The following NRXN1 variants were observed in gnomAD, a reference collection of about 807,000 sequenced individuals.
NRXN1 encodes the protein neurexin 1, also known as neurexin-1.
Under a neutral mutation model 150.9 loss-of-function variants are expected in NRXN1, and 39 were observed. The ratio of observed to expected loss-of-function variants is 0.26; its 90% confidence interval spans 0.20 to 0.34. NRXN1 has a LOEUF of 0.34. Ranked by LOEUF, NRXN1 falls within the 10% of genes least tolerant of loss-of-function variation. The probability of loss-of-function intolerance (pLI) is 1.00; values close to 1 mark genes in which losing one functional copy is unlikely to be tolerated. For synonymous variants in NRXN1, 924 were observed against 757.0 expected (o/e 1.22, Z -3.62); for missense variants, 1,815 against 1,949.9 (o/e 0.93, Z 1.30).
chr2:50,042,913 C>G (rs938282497), intron 21 of NRXN1, among the ~76,000 whole-genome samples: 2 of 152,024 alleles, frequency 1.3e-5, no homozygotes, highest in African/African-American at 4.8e-5. Context: ...GCCATTAACA[C>G]TAACAAAGCT....
chr2:50,132,687 A>C (rs938922980), intron 18 of NRXN1, among the ~76,000 whole-genome samples: 1 of 151,974 alleles, frequency 6.6e-6, no homozygotes, highest in South Asian at 2.1e-4. Flanking sequence ...GTATTGCTTC[A>C]GTTCTCAGTT....
intron 17 of NRXN1, among the ~76,000 whole-genome samples, chr2:50,321,182 T>G (rs1256213141): frequency 1.3e-5 from 2 of 152,168 alleles, no homozygotes; most frequent in Non-Finnish European, 2.9e-5. Context: ...TTCAGAGAGA[T>G]AGCACAGTAT....
chr2:49,946,545 GA>G lies in NRXN1; in HGVS notation c.4129-2755del, dbSNP rs544961302. On this transcript the variant is annotated intron_variant, in intron 21 of 22. Transcript: ENST00000401669. ...TACGTTTAAGTCTTTAATCCATCTTGAGTTAATTTTTGTATAAGGTGTAAGG... is the reference window on the plus strand; with the variant it reads ...TACGTTTAAGTCTTTAATCCATCTTGGTTAATTTTTGTATAAGGTGTAAGG... Among the ~76,000 whole-genome samples, 564 of 152,138 alleles carry G rather than the reference GA, an allele frequency of 3.7e-3. 5 individuals are homozygous for G. The highest frequency in any genetic ancestry group is 0.013 in the African/African-American group (527 of 41,516).
At chr2:50,420,353 G>T (rs548546047) in intron 17 of NRXN1, among the ~76,000 whole-genome samples, 5 of 151,216 alleles carry the variant, frequency 3.3e-5, no homozygotes, top group African/African-American at 1.2e-4. Flanking sequence ...GACTACCCCT[G>T]GTTTTGCAAA....
chr2:50,158,391 T>C (rs1389402302), intron 18 of NRXN1, among the ~76,000 whole-genome samples: 1 of 151,536 alleles, frequency 6.6e-6, no homozygotes, highest in Non-Finnish European at 1.5e-5. Flanking sequence ...TCATAGACAG[T>C]ACATTTTCTT....
intron 16 of NRXN1, among the ~76,000 whole-genome samples, chr2:50,467,966 TGGCATTA>T (rs2089079763): frequency 6.6e-6 from 1 of 151,584 alleles, no homozygotes; most frequent in African/African-American, 2.4e-5. Flanking sequence ...CCTTATCCCA[TGGCATTA>T]GAGATCAAAA....
At chr2:50,717,722 G>A (rs900621465) in intron 5 of NRXN1, among the ~76,000 whole-genome samples, 1 of 152,132 alleles carries the variant, frequency 6.6e-6, no homozygotes, top group African/African-American at 2.4e-5. Flanking sequence ...CCAAGGTCAA[G>A]GTGCCAGCAG....
At chr2:50,233,472 A>G (rs114029540) in intron 18 of NRXN1, among the ~76,000 whole-genome samples, 2,054 of 152,186 alleles carry the variant, frequency 0.013, 52 homozygotes, top group African/African-American at 0.047. Flanking sequence ...CTTCATTAAA[A>G]TTATATGCCA....
intron 19 of NRXN1, among the ~76,000 whole-genome samples, chr2:50,058,494 A>G (rs1693982052): frequency 6.6e-6 from 1 of 152,200 alleles, no homozygotes. Flanking sequence ...ATTCAATTCA[A>G]TATATACCTA....
intron 18 of NRXN1, among the ~76,000 whole-genome samples, chr2:50,170,189 C>T (rs897836364): frequency 8.6e-5 from 13 of 151,862 alleles, no homozygotes; most frequent in African/African-American, 2.9e-4. Flanking sequence ...ACTGGTTGAG[C>T]ACCCTAAATC....
At chr2:49,962,016 G>C (rs984054908) in intron 21 of NRXN1, among the ~76,000 whole-genome samples, 5 of 152,122 alleles carry the variant, frequency 3.3e-5, no homozygotes, top group African/African-American at 4.8e-5. Context: ...GCCGAGGCAG[G>C]AGGGTCACTT....
intron 17 of NRXN1, among the ~76,000 whole-genome samples, chr2:50,271,675 A>C (rs1422798273): frequency 6.6e-6 from 1 of 152,196 alleles, no homozygotes; most frequent in African/African-American, 2.4e-5. Context: ...AATTTTAACA[A>C]CTGAGAAACC....
At chr2:49,968,558 T>C (rs971616567) in intron 21 of NRXN1, among the ~76,000 whole-genome samples, 4 of 152,004 alleles carry the variant, frequency 2.6e-5, no homozygotes, top group Non-Finnish European at 5.9e-5. Flanking sequence ...CGTAATGCCA[T>C]TTTAGAAGCA....
intron 2 of NRXN1, among the ~76,000 whole-genome samples, chr2:51,006,750 G>A (rs1046082778): frequency 2.6e-5 from 4 of 151,826 alleles, no homozygotes; most frequent in African/African-American, 9.7e-5. Context: ...CAAATTCTAA[G>A]TTATTTGTAG....
At chr2:50,060,480 T>C (rs1050880939) in intron 19 of NRXN1, among the ~76,000 whole-genome samples, 14 of 152,170 alleles carry the variant, frequency 9.2e-5, no homozygotes, top group African/African-American at 3.4e-4. Flanking sequence ...TTTGAGTTAA[T>C]GCTGAAATGA....
At chr2:50,511,687 G>A (rs1247943065) in intron 12 of NRXN1, among the ~76,000 whole-genome samples, 1 of 152,108 alleles carries the variant, frequency 6.6e-6, no homozygotes, top group African/African-American at 2.4e-5. Flanking sequence ...CTCCTAAGAA[G>A]GGCTGGAGTT....
chr2:50,065,416 C>A (rs1695214001), intron 19 of NRXN1, among the ~76,000 whole-genome samples: 1 of 152,144 alleles, frequency 6.6e-6, no homozygotes, highest in Non-Finnish European at 1.5e-5. Flanking sequence ...ACATCTTCTC[C>A]TTAATCCTTA....
intron 16 of NRXN1, 123 bp downstream of exon 16, chr2:50,472,175 G>A: frequency 1.4e-6 from 1 of 711,938 alleles, no homozygotes; most frequent in East Asian, 3.1e-5. Context: ...ACTTGAATAA[G>A]GATGTCTAAG....
intron 16 of NRXN1, among the ~76,000 whole-genome samples, chr2:50,466,913 T>C (rs781626586): frequency 4.6e-5 from 7 of 151,736 alleles, no homozygotes; most frequent in Non-Finnish European, 1.0e-4. Context: ...TCTATGTTTT[T>C]CCCTCTAGAT....
Sources: allele counts gnomAD v4.1 joint callset (sites outside exome capture counted in the v4.1 genomes callset), GRCh38; gene constraint gnomAD v4.1.1; transcripts MANE v1.5; gene names NCBI Gene and HGNC (gene_info 2026-07-23, HGNC 2026-07-21).